FGGY: variants seen among roughly 807,000 people sequenced by gnomAD.
FGGY encodes FGGY carbohydrate kinase domain-containing protein.
Under a neutral mutation model 71.3 loss-of-function variants are expected in FGGY, and 72 were observed. That is an observed-to-expected ratio of 1.01 (90% confidence interval 0.84 to 1.23). The LOEUF is 1.23. Ranked by LOEUF, FGGY falls within the 50% of genes most tolerant of loss-of-function variation. FGGY has a pLI of 0.00. For missense variants in FGGY, 668 were observed against 682.3 expected, an observed-to-expected ratio of 0.98 and a Z score of 0.23; for synonymous variants, 251 against 250.3, an observed-to-expected ratio of 1.00 and a Z score of -0.02.
chr1:59,507,684 A>ATTTTTTTTTTTTTTTTTTT (rs561953004), intron 6 of FGGY, among the ~76,000 whole-genome samples: 87 of 106,910 alleles, frequency 8.1e-4, no homozygotes, highest in African/African-American at 1.7e-3. Context: ...TGCTTGGCTA[A>ATTTTTTTTTTTTTTTTTTT]TTTTTTTTTT....
At chr1:59,546,386 A>C (rs1281777278) in intron 7 of FGGY, among the ~76,000 whole-genome samples, 1 of 121,080 alleles carries the variant, frequency 8.3e-6, no homozygotes, top group East Asian at 2.8e-4. Context: ...ATGTAGAAAA[A>C]GACCTTCCCT....
chr1:59,729,917 A>G (rs986812663), intron 14 of FGGY, among the ~76,000 whole-genome samples: 13 of 152,124 alleles, frequency 8.5e-5, no homozygotes, highest in African/African-American at 3.1e-4. Flanking sequence ...GGTCTTTATT[A>G]TGGAGAACTC....
At chr1:59,652,848 GT>G (rs1376471892) in intron 11 of FGGY, among the ~76,000 whole-genome samples, 1 of 152,188 alleles carries the variant, frequency 6.6e-6, no homozygotes, top group Admixed American at 6.5e-5. Flanking sequence ...AGATTTTCCA[GT>G]TTTTCTGTTC....
intron 7 of FGGY, among the ~76,000 whole-genome samples, chr1:59,533,726 A>G (rs1329268324): frequency 4.6e-5 from 7 of 152,330 alleles, no homozygotes; most frequent in Admixed American, 2.0e-4. Flanking sequence ...GGCACCCCCC[A>G]GCAGGGGCAG....
chr1:59,614,296 CACCATGATCAAGTGGGCTTCATCCCTGG>C (rs2096725297), intron 9 of FGGY, among the ~76,000 whole-genome samples: 1 of 152,106 alleles, frequency 6.6e-6, no homozygotes, highest in South Asian at 2.1e-4. Flanking sequence ...AAAGCTTATC[CACCATGATCAAGTGGGCTTCATCCCTGG>C]GATGCAAGAC....
intron 6 of FGGY, among the ~76,000 whole-genome samples, chr1:59,490,970 T>C: frequency 8.6e-6 from 1 of 116,536 alleles, no homozygotes; most frequent in African/African-American, 3.7e-5. Flanking sequence ...ATGTGATGCC[T>C]CCAGCCTGCT....
In FGGY at chr1:59,668,003, G is replaced by A. The variant is rs58158091; in HGVS notation, c.1417+600G>A. 3.5e-3 allele frequency among the ~76,000 whole-genome samples: 529 copies of A among 152,320 alleles called. 4 individuals carry two copies. The highest frequency in any genetic ancestry group is 0.012 in the African/African-American group (506 of 41,564). On this transcript the variant is annotated intron_variant, in intron 13 of 15. Coordinates refer to ENST00000303721, the MANE Select transcript of FGGY (RefSeq NM_018291.5). ...TGGATGCTATAGGATCTGTGGGTAT[G>A]ATTGCAGACTGGGAATTTGAGCCCT...
Position 59,334,866 on chromosome 1 carries a change from TA to T in FGGY, c.202-5091del, listed in dbSNP as rs2049170855. ...AAACCATAGAAACAAAAATAAAAAA[TA>T]GAATTAATCGATAAATCTATTATTC... On this transcript the variant is annotated intron_variant, in intron 2 of 15. Transcript: ENST00000303721. Among the ~76,000 whole-genome samples, 3 of 152,174 alleles carry T rather than the reference TA, an allele frequency of 2.0e-5. No individual in the cohort carries two copies. The South Asian group carries it at 6.2e-4, about 31-fold the overall frequency.
intron 5 of FGGY, among the ~76,000 whole-genome samples, chr1:59,445,094 G>A (rs1311981850): frequency 6.6e-6 from 1 of 152,124 alleles, no homozygotes; most frequent in East Asian, 1.9e-4. Flanking sequence ...GATAATATCT[G>A]TGCCTGGTAC....
chr1:59,382,113 G>C (rs540676758), intron 5 of FGGY, among the ~76,000 whole-genome samples: 3 of 152,302 alleles, frequency 2.0e-5, no homozygotes, highest in East Asian at 3.9e-4. Context: ...CCAGAGGATA[G>C]ATAAACCTCT....
intron 14 of FGGY, among the ~76,000 whole-genome samples, chr1:59,723,553 T>TG (rs2100704203): frequency 7.5e-6 from 1 of 133,756 alleles, no homozygotes; most frequent in East Asian, 2.6e-4. Flanking sequence ...GGCATTTTCT[T>TG]GTTTTTTTTT....
chr1:59,759,564 TCCGCTGCTTGCTGGG>T (rs2098324912), intron 15 of FGGY, among the ~76,000 whole-genome samples: 1 of 152,212 alleles, frequency 6.6e-6, no homozygotes, highest in Non-Finnish European at 1.5e-5. Flanking sequence ...CAGAGAGTCC[TCCGCTGCTTGCTGGG>T]AGCTGGCAGC....
intron 5 of FGGY, among the ~76,000 whole-genome samples, chr1:59,395,560 C>T (rs2061227687): frequency 6.6e-6 from 1 of 152,122 alleles, no homozygotes; most frequent in African/African-American, 2.4e-5. Context: ...TCCCCAAGTC[C>T]TAATACAGTG....
At position 59,676,990 on chromosome 1, in the gene FGGY, C is replaced by T. The variant is rs117901207; in HGVS notation, c.1512+2857C>T. On this transcript the variant is annotated intron_variant, in intron 14 of 15. Coordinates refer to ENST00000303721, the MANE Select transcript of FGGY (RefSeq NM_018291.5). The stretch of plus-strand genomic sequence containing the variant: ...TTTAATGTTTAAATAAGAATTGCCA[C>T]CCATATGGGACTATCGAGATAAAGA... Among the ~76,000 whole-genome samples, 18 of 152,208 alleles carry T rather than the reference C, an allele frequency of 1.2e-4. No individual in the cohort carries two copies. In the East Asian group the frequency reaches 3.5e-3, roughly 29 times the overall value.
chr1:59,439,134 A>C (rs1021017350), intron 5 of FGGY, among the ~76,000 whole-genome samples: 16 of 152,272 alleles, frequency 1.1e-4, no homozygotes, highest in African/African-American at 3.9e-4. Flanking sequence ...GCTACACTGC[A>C]GTAATGGATG....
At position 59,650,121 on chromosome 1, in the gene FGGY, G is replaced by A. The variant is rs1162510357; in HGVS notation, c.1222-10098G>A. Among the ~76,000 whole-genome samples, 3 of 148,226 alleles carry A rather than the reference G, an allele frequency of 2.0e-5. No homozygotes were observed. The East Asian group carries it at 5.8e-4, about 29-fold the overall frequency. On this transcript the variant is annotated intron_variant, in intron 11 of 15. Coordinates refer to ENST00000303721, the MANE Select transcript of FGGY (RefSeq NM_018291.5). ...AAGCCCACTTGATCATGGTGGATAAGCTTTTTGATGTGCTGCTGGATTTGG... is the reference window on the plus strand; with the variant it reads ...AAGCCCACTTGATCATGGTGGATAAACTTTTTGATGTGCTGCTGGATTTGG...
chr1:59,588,739 T>C (rs1208314742), intron 8 of FGGY, among the ~76,000 whole-genome samples: 1 of 152,148 alleles, frequency 6.6e-6, no homozygotes, highest in Non-Finnish European at 1.5e-5. Context: ...AAGCCAATGC[T>C]GAGAGATTTT....
At chr1:59,321,297 G>C (rs1381030519) in intron 1 of FGGY, among the ~76,000 whole-genome samples, 1 of 152,100 alleles carries the variant, frequency 6.6e-6, no homozygotes, top group Non-Finnish European at 1.5e-5. Context: ...TTTAAATCCT[G>C]ACTCTCTCTC....
At chr1:59,682,248 C>T (rs1019959458) in intron 14 of FGGY, among the ~76,000 whole-genome samples, 5 of 152,176 alleles carry the variant, frequency 3.3e-5, no homozygotes, top group African/African-American at 1.2e-4. Flanking sequence ...AAAGACTGTT[C>T]AGCTCAGCCA....
Sources: gnomAD v4.1 joint callset for allele counts (sites outside exome capture counted in the v4.1 genomes callset) on GRCh38, gnomAD v4.1.1 for gene constraint, MANE v1.5 for transcripts, NCBI Gene and HGNC (gene_info 2026-07-23, HGNC 2026-07-21) for gene names.